Variants in QRICH2 observed in about 807,000 individuals in gnomAD.
The protein encoded by QRICH2 is glutamine-rich protein 2.
QRICH2 carries 119 observed loss-of-function variants against 168.3 expected under a neutral mutation model. The ratio of observed to expected loss-of-function variants is 0.71; its 90% CI spans 0.61 to 0.82. QRICH2 has a LOEUF of 0.82. Among genes scored for constraint, QRICH2 ranks in the 40% least tolerant of loss-of-function variants. The pLI, the probability that QRICH2 is intolerant of heterozygous loss-of-function variation, is 0.00. For synonymous variants in QRICH2, 894 were observed against 951.2 expected (o/e 0.94, Z 1.11); for missense variants, 2,241 against 2,491.6 (o/e 0.90, Z 2.14).
At chr17:76,275,789 G>T in intron 18 of QRICH2, 30 bp downstream of exon 18, 1 of 1,599,590 alleles carries the variant, frequency 6.3e-7, no homozygotes. Flanking sequence ...GGGGAGGCCT[G>T]GCAGGACGCC....
intron 12 of QRICH2, 73 bp downstream of exon 12, chr17:76,279,960 G>A (rs1598478809): frequency 3.3e-6 from 5 of 1,498,510 alleles, no homozygotes; most frequent in Non-Finnish European, 3.6e-6. Flanking sequence ...TGTTTGTCTG[G>A]AGACCCCCAG....
intron 4 of QRICH2, 43 bp from the exon 5 acceptor site, chr17:76,290,120 T>G: frequency 1.3e-4 from 186 of 1,425,878 alleles, no homozygotes; most frequent in Non-Finnish European, 1.7e-4. Flanking sequence ...GTTAGATCTC[T>G]AGTGGGCTCC....
chr17:76,307,517 A>G lies in QRICH2; in HGVS notation c.482T>C (p.Val161Ala), dbSNP rs1031243474. ...QEVGVRAFDR[V>A]RTGSIMKDAA... ...GTCCTTCATGATACTCCCAGTCCGC[A>G]CCCTATCGAACGCCCGCACGCCCAC... The change falls in exon 1 of 19, where the codon GTG (valine) becomes GCG (alanine). Residue 161 changes from valine (V) to alanine (A), a missense_variant. By Grantham distance (64) the Val-to-Ala change is moderately conservative (BLOSUM62 0). Transcript: ENST00000680821. This position sits in a 1 kb window ranked among gnomAD's most constrained non-coding sequence, Gnocchi z 5.3. 8.1e-6 allele frequency: 13 copies of G among 1,612,000 alleles called. No homozygotes were observed. Among genetic ancestry groups the G allele is most frequent in the African/African-American group, 1.3e-5 (1 of 74,750 alleles).
intron 3 of QRICH2, among the ~76,000 whole-genome samples, chr17:76,295,126 G>A (rs983392749): frequency 3.3e-5 from 5 of 151,252 alleles, no homozygotes; most frequent in African/African-American, 1.2e-4. Flanking sequence ...GGGTGTGGTG[G>A]CACGTGCCTG....
Position 76,307,921 on chromosome 17 carries a change from G to C in QRICH2, c.78C>G (p.Asn26Lys). Residue 26 changes from asparagine to lysine, a missense_variant, in exon 1 of 19, where the codon AAC becomes AAG. Coordinates refer to ENST00000680821, the MANE Select transcript of QRICH2 (RefSeq NM_001388453.1). This position sits in a 1 kb window ranked among gnomAD's most constrained non-coding sequence, Gnocchi z 5.3. The stretch of plus-strand genomic sequence containing the variant: ...CGATGAGCGTGTGCAGGGCCGTGAA[G>C]TTGACGGCGCCCACCTCTGGCGTGC... ...SIGTPEVGAV[N>K]FTALHTLIVA... is the part of the protein sequence containing the mutation. 8.1e-7 allele frequency: 1 copy of C among 1,238,684 alleles called. No homozygotes were observed. Among genetic ancestry groups the C allele is most frequent in the Non-Finnish European group, 1.0e-6 (1 of 991,790 alleles). The allele number at this position is 1,238,684 out of a possible 1,614,324, so 76.7% of individuals were successfully genotyped here.
In QRICH2 at chr17:76,283,211, G is replaced by A. The variant is rs189597760; in HGVS notation, c.4012-1096C>T. On this transcript the variant is annotated intron_variant, in intron 7 of 18. Coordinates refer to ENST00000680821, the MANE Select transcript of QRICH2 (RefSeq NM_001388453.1). ...CAGAAGGACTGGCCAGTTCTCTCTCGAAAAGAGGAAGAGGCCTCCTAGAAA... is the reference window on the plus strand; with the variant it reads ...CAGAAGGACTGGCCAGTTCTCTCTCAAAAAGAGGAAGAGGCCTCCTAGAAA... Among the ~76,000 whole-genome samples, 278 of 152,338 alleles carry A rather than the reference G, an allele frequency of 1.8e-3. 4 individuals carry two copies. The highest frequency in any genetic ancestry group is 6.9e-4 in the Non-Finnish European group (47 of 68,034).
chr17:76,283,890 G>C (rs4789268), intron 7 of QRICH2, among the ~76,000 whole-genome samples: 1,362 of 133,800 alleles, frequency 0.01, 109 homozygotes, highest in Admixed American at 0.082. Context: ...AAAAAGCGGG[G>C]TGCAGTGGCT....
chr17:76,299,429 C>T (rs1190473669), intron 3 of QRICH2, among the ~76,000 whole-genome samples: 1 of 152,072 alleles, frequency 6.6e-6, no homozygotes, highest in African/African-American at 2.4e-5. Flanking sequence ...CAGAGGAAAG[C>T]GGCATCAGAA....
In QRICH2 at chr17:76,280,841, TTC is replaced by T; in HGVS notation, c.4374_4375del (p.Lys1459GlyfsTer45). On this transcript the variant is annotated frameshift_variant, in exon 9 of 19. Transcript: ENST00000680821. LOFTEE classifies it high-confidence loss of function. This position sits in a 1 kb window ranked among gnomAD's most constrained non-coding sequence, Gnocchi z 7.4. Reference sequence around the variant, plus strand: ...CCTGCGGCCGCTCACAGCAATGTCCTTCTGTTTCTGCCGATGGTCCTCGATGA... The same window carrying T: ...CCTGCGGCCGCTCACAGCAATGTCCTTGTTTCTGCCGATGGTCCTCGATGA... 6.2e-7 allele frequency: 1 copy of T among 1,613,964 alleles called. No individual in the cohort carries two copies. The highest frequency in any genetic ancestry group is 8.5e-7 in the Non-Finnish European group (1 of 1,179,990).
intron 3 of QRICH2, among the ~76,000 whole-genome samples, chr17:76,300,077 G>A (rs1165856117): frequency 6.6e-6 from 1 of 151,994 alleles, no homozygotes; most frequent in Non-Finnish European, 1.5e-5. Context: ...TGATCTGCCT[G>A]CCTCGGCCTC....
chr17:76,290,306 C>T (rs2070964734), intron 4 of QRICH2, among the ~76,000 whole-genome samples: 1 of 152,168 alleles, frequency 6.6e-6, no homozygotes, highest in Admixed American at 6.6e-5. Flanking sequence ...GGCTTTGGGA[C>T]AACTGACTCC....
intron 7 of QRICH2, among the ~76,000 whole-genome samples, chr17:76,286,749 C>A (rs986905436): frequency 1.3e-5 from 2 of 151,790 alleles, no homozygotes; most frequent in African/African-American, 4.8e-5. Flanking sequence ...GTGGCATATG[C>A]CTGTAGTCCT....
At position 76,292,738 on chromosome 17, in the gene QRICH2, A is replaced by C; in HGVS notation, c.1989T>G (p.Pro663=). 6.2e-7 allele frequency: 1 copy of C among 1,613,270 alleles called. No individual in the cohort carries two copies. The highest frequency in any genetic ancestry group is 8.5e-7 in the Non-Finnish European group (1 of 1,179,832). The change falls in exon 4 of 19, where the codon CCT becomes CCG. Residue 663 remains proline (P), a synonymous_variant. Coordinates refer to ENST00000680821, the MANE Select transcript of QRICH2 (RefSeq NM_001388453.1). The part of the protein sequence containing the change: ...SGTGQGVLVQ[P]GVDQPGMVQP... ...GGACCATGCCAGGCTGATCTACACC[A>C]GGCTGTACCAAGACACCCTGACCTG...
intron 3 of QRICH2, among the ~76,000 whole-genome samples, chr17:76,301,703 A>AT (rs370779519): frequency 0.04 from 4,890 of 121,760 alleles, 205 homozygotes; most frequent in Middle Eastern, 0.12. Flanking sequence ...GTGTTTTATA[A>AT]TTTTTTTTTT....
chr17:76,298,908 G>A (rs1284658403), intron 3 of QRICH2, among the ~76,000 whole-genome samples: 1 of 152,136 alleles, frequency 6.6e-6, no homozygotes, highest in Non-Finnish European at 1.5e-5. Context: ...GAGCCACAGC[G>A]CCCGGCCCTG....
rs1415409965 is a variant in QRICH2 at position 76,279,378 on chromosome 17, G to A, written c.4799C>T (p.Thr1600Ile). The change falls in exon 13 of 19, where the codon ACA (threonine) becomes ATA (isoleucine). Residue 1600 changes from threonine (T) to isoleucine (I), a missense_variant. Physicochemically the swap from Thr to Ile is moderately conservative, Grantham distance 89. Around this residue, in one of 3 missense-constraint regions of QRICH2, gnomAD observed 2,047 missense variants for 2,303.8 expected, o/e 0.89. Coordinates refer to ENST00000680821, the MANE Select transcript of QRICH2 (RefSeq NM_001388453.1). Reference sequence around the variant, plus strand: ...GGGCACTCACTGTCCAGTCACAGGTGTCTCCAAGGGCCGGTCACATGAGAG... The same window carrying A: ...GGGCACTCACTGTCCAGTCACAGGTATCTCCAAGGGCCGGTCACATGAGAG... ...HCLSCDRPLE[T>I]PVTGHAIPVT... 1 of 1,612,816 alleles carries A rather than the reference G, an allele frequency of 6.2e-7. No homozygotes were observed.
rs1314717005 is a variant in QRICH2, at chr17:76,277,184, T to C, written c.5244A>G (p.Glu1748=). The change falls in exon 16 of 19, where the codon GAA becomes GAG. Residue 1748 remains glutamate, a synonymous_variant. Coordinates refer to ENST00000680821, the MANE Select transcript of QRICH2 (RefSeq NM_001388453.1). ...QHLPRGLYPT[E]EIQIAMKHDE... ...TGACCTTCATGGCAATCTGGATCTC[T>C]TCAGTAGGATACAGGCCCCGGGGAA... The C allele has an allele frequency of 6.3e-7, 1 of 1,598,714 alleles. No individual in the cohort carries two copies. Among genetic ancestry groups the C allele is most frequent in the African/African-American group, 1.4e-5 (1 of 73,980 alleles).
At chr17:76,297,476 C>T (rs1035898357) in intron 3 of QRICH2, among the ~76,000 whole-genome samples, 8 of 151,666 alleles carry the variant, frequency 5.3e-5, no homozygotes, top group African/African-American at 1.5e-4. Flanking sequence ...CACTGCACTC[C>T]GGCCTGGGCG....
rs1305181326 is a variant in QRICH2 at position 76,292,365 on chromosome 17, G to T, written c.2362C>A (p.Gln788Lys). ...ATACCAGGTTGCACCAAACTACGCT[G>T]AACTTCACCAGGTTGTGCCAAACCA... The part of the protein sequence containing the change: ...QHGLAQPGEV[Q>K]RSLVQPGIVQ... Residue 788 changes from glutamine (Q) to lysine (K), a missense_variant, in exon 4 of 19, where the codon CAG becomes AAG. By Grantham distance (53) the Gln-to-Lys change is moderately conservative. This residue lies in a region of QRICH2 where 2,047 missense variants were observed against 2,303.8 expected (regional missense o/e 0.89). Coordinates refer to ENST00000680821, the MANE Select transcript of QRICH2 (RefSeq NM_001388453.1). 6.3e-7 allele frequency: 1 copy of T among 1,598,608 alleles called. No individual in the cohort carries two copies. Among genetic ancestry groups the T allele is most frequent in the Non-Finnish European group, 8.5e-7 (1 of 1,172,844 alleles).
Sources: gnomAD v4.1 joint callset for allele counts (sites outside exome capture counted in the v4.1 genomes callset) on GRCh38, gnomAD v4.1.1 for gene constraint, gnomAD v4.1.1 regional missense constraint, Gnocchi (gnomAD v3.1) non-coding constraint, MANE v1.5 for transcripts, NCBI Gene and HGNC (gene_info 2026-07-23, HGNC 2026-07-21) for gene names.